The following TMEM161B variants were observed in gnomAD, a reference collection of about 807,000 sequenced individuals.
The protein encoded by TMEM161B is transmembrane protein 161B.
Under a neutral mutation model 61.8 loss-of-function variants are expected in TMEM161B, and 34 were observed. The observed-to-expected ratio is 0.55, with a 90% CI of 0.42 to 0.73. The LOEUF is 0.73. Among genes scored for constraint, TMEM161B ranks in the 30% least tolerant of loss-of-function variants. The probability of loss-of-function intolerance (pLI) is 0.00; values close to 1 mark genes in which losing one functional copy is unlikely to be tolerated. For synonymous variants in TMEM161B, 167 were observed against 192.8 expected (o/e 0.87, Z 1.11); for missense variants, 456 against 558.5 (o/e 0.82, Z 1.85).
intron 1 of TMEM161B, among the ~76,000 whole-genome samples, chr5:88,260,762 C>T (rs1039396938): frequency 3.9e-5 from 6 of 152,132 alleles, no homozygotes; most frequent in Non-Finnish European, 7.3e-5. Flanking sequence ...TTAGAAATAG[C>T]AGCATACAAG....
chr5:88,235,213 A>G (rs934111436), intron 2 of TMEM161B, among the ~76,000 whole-genome samples: 1 of 152,242 alleles, frequency 6.6e-6, no homozygotes, highest in Non-Finnish European at 1.5e-5. Context: ...TAGCATTTAT[A>G]GTGCTTTAGA....
At chr5:88,197,793 T>C in intron 10 of TMEM161B, 28 bp from the exon 11 acceptor site, 1 of 1,579,946 alleles carries the variant, frequency 6.3e-7, no homozygotes, top group South Asian at 1.1e-5. Flanking sequence ...CTTAAGTGTC[T>C]AATGCAACTG....
intron 5 of TMEM161B, among the ~76,000 whole-genome samples, chr5:88,219,722 C>T (rs1241774299): frequency 6.6e-6 from 1 of 152,070 alleles, no homozygotes; most frequent in Admixed American, 6.5e-5. Context: ...TTCTACTGAG[C>T]CAACCTATCT....
chr5:88,198,942 C>T (rs769392024), intron 10 of TMEM161B, 34 bp downstream of exon 10: 23 of 1,535,402 alleles, frequency 1.5e-5, no homozygotes, highest in Middle Eastern at 2.3e-4. Context: ...GCGGTTTTTG[C>T]TATTTTTCAT....
chr5:88,237,311 T>G (rs895002838), intron 2 of TMEM161B, among the ~76,000 whole-genome samples: 1 of 152,130 alleles, frequency 6.6e-6, no homozygotes, highest in Non-Finnish European at 1.5e-5. Flanking sequence ...AGTTTGACAC[T>G]TAAGAATCTC....
chr5:88,197,009 C>T (rs1045938859), intron 11 of TMEM161B, among the ~76,000 whole-genome samples: 5 of 152,190 alleles, frequency 3.3e-5, no homozygotes, highest in Admixed American at 1.3e-4. Context: ...CTTTACATTC[C>T]GTAGATTCTT....
chr5:88,192,014 A>ATATATATATATATGTATATATATATG (rs1748988867), downstream of TMEM161B, among the ~76,000 whole-genome samples: 9 of 93,784 alleles, frequency 9.6e-5, no homozygotes, highest in African/African-American at 4.0e-4. Flanking sequence ...ATATATATAT[A>ATATATATATATATGTATATATATATG]TATATATATA....
At chr5:88,268,121 C>T (rs1756653448) in intron 1 of TMEM161B, among the ~76,000 whole-genome samples, 1 of 152,192 alleles carries the variant, frequency 6.6e-6, no homozygotes, top group Admixed American at 6.5e-5. Flanking sequence ...ATTCTCCCTA[C>T]TGCAACAGTT....
downstream of TMEM161B, among the ~76,000 whole-genome samples, chr5:88,190,657 A>G (rs543839442): frequency 3.9e-5 from 6 of 152,354 alleles, no homozygotes; most frequent in East Asian, 1.2e-3. Flanking sequence ...TTTGCAATGC[A>G]TAACTGCCAC....
chr5:88,263,925 G>C (rs983948803), intron 1 of TMEM161B, among the ~76,000 whole-genome samples: 1 of 152,146 alleles, frequency 6.6e-6, no homozygotes, highest in Non-Finnish European at 1.5e-5. Context: ...TAAAGTCAGA[G>C]AACTGAGAAG....
chr5:88,249,915 C>T (rs372342209), intron 1 of TMEM161B, among the ~76,000 whole-genome samples: 1 of 152,112 alleles, frequency 6.6e-6, no homozygotes, highest in African/African-American at 2.4e-5. Flanking sequence ...AGAGGGAAAC[C>T]TCATCCCATT....
At chr5:88,249,565 C>A (rs1428358236) in intron 1 of TMEM161B, among the ~76,000 whole-genome samples, 1 of 152,028 alleles carries the variant, frequency 6.6e-6, no homozygotes, top group Non-Finnish European at 1.5e-5. Context: ...TCGTAATTTT[C>A]CAGGTTTTTA....
At chr5:88,230,739 A>G (rs1750852134) in intron 2 of TMEM161B, among the ~76,000 whole-genome samples, 1 of 152,220 alleles carries the variant, frequency 6.6e-6, no homozygotes, top group African/African-American at 2.4e-5. Flanking sequence ...TTCTTGTGGT[A>G]TAATAAAAAA....
At chr5:88,268,595 C>T (rs190079709) in intron 1 of TMEM161B, 126 bp downstream of exon 1, 1 of 1,358,390 alleles carries the variant, frequency 7.4e-7, no homozygotes, top group South Asian at 1.2e-5. Context: ...TGGGTCCTAC[C>T]CAGCAGCTCA....
chr5:88,237,401 G>T (rs1254138380), intron 2 of TMEM161B, among the ~76,000 whole-genome samples: 3 of 152,076 alleles, frequency 2.0e-5, no homozygotes, highest in African/African-American at 7.2e-5. Context: ...GTAGCAGGGG[G>T]AACAGAGGAG....
At chr5:88,234,527 GCTA>G (rs749003517) in intron 2 of TMEM161B, among the ~76,000 whole-genome samples, 13 of 152,250 alleles carry the variant, frequency 8.5e-5, no homozygotes, top group Admixed American at 3.3e-4. Flanking sequence ...ATGGTTCCCA[GCTA>G]CTACATTTTG....
chr5:88,248,713 A>AG (rs1753938864), intron 1 of TMEM161B, among the ~76,000 whole-genome samples: 1 of 64,284 alleles, frequency 1.6e-5, no homozygotes, highest in East Asian at 4.2e-4. Flanking sequence ...CAGTCGACTG[A>AG]GAAAAAAAAA....
intron 5 of TMEM161B, among the ~76,000 whole-genome samples, chr5:88,211,961 C>T (rs1007498899): frequency 4.6e-5 from 7 of 152,054 alleles, no homozygotes; most frequent in Admixed American, 3.9e-4. Context: ...ACCAAAAGCC[C>T]ACCACAAGGA....
At chr5:88,208,557 G>A (rs976599216) in intron 5 of TMEM161B, among the ~76,000 whole-genome samples, 34 of 152,120 alleles carry the variant, frequency 2.2e-4, no homozygotes, top group Admixed American at 1.6e-3. Context: ...CAGGAGAATC[G>A]CTTGAACCTG....
Sources: allele counts gnomAD v4.1 joint callset (sites outside exome capture counted in the v4.1 genomes callset), GRCh38; gene constraint gnomAD v4.1.1; transcripts MANE v1.5; gene names NCBI Gene and HGNC (gene_info 2026-07-23, HGNC 2026-07-21).